The following NRXN1 variants were observed in gnomAD, a reference collection of about 807,000 sequenced individuals.
NRXN1 encodes the protein neurexin-1.
A neutral mutation model predicts 150.9 loss-of-function variants in NRXN1; 39 were observed. The ratio of observed to expected loss-of-function variants is 0.26; its 90% confidence interval spans 0.20 to 0.34. The LOEUF is 0.34. NRXN1 is among the 10% of genes least tolerant of loss of function. The pLI is 1.00. For synonymous variants in NRXN1, 924 were observed against 757.0 expected, an observed-to-expected ratio of 1.22 and a Z score of -3.62; for missense variants, 1,815 against 1,949.9, an observed-to-expected ratio of 0.93 and a Z score of 1.30.
chr2:49,988,963 A>T (rs1023437816), intron 21 of NRXN1, among the ~76,000 whole-genome samples: 47 of 152,214 alleles, frequency 3.1e-4, no homozygotes, highest in African/African-American at 1.0e-3. Context: ...CCACCTGTTC[A>T]TATGCATGTA....
chr2:50,144,390 C>T (rs916879876), intron 18 of NRXN1, among the ~76,000 whole-genome samples: 2 of 151,744 alleles, frequency 1.3e-5, no homozygotes, highest in Admixed American at 1.3e-4. Flanking sequence ...CCTGAGTTTT[C>T]CTGACTGTCT....
intron 18 of NRXN1, among the ~76,000 whole-genome samples, chr2:50,227,976 A>T (rs2064560334): frequency 6.6e-6 from 1 of 152,164 alleles, no homozygotes; most frequent in East Asian, 1.9e-4. Context: ...ATCTACTTTT[A>T]CAACTGTAGA....
At chr2:50,262,534 G>A (rs1260778730) in intron 17 of NRXN1, among the ~76,000 whole-genome samples, 1 of 151,840 alleles carries the variant, frequency 6.6e-6, no homozygotes, top group Non-Finnish European at 1.5e-5. Context: ...AACCACCCTG[G>A]CTGATTTGTT....
At chr2:50,087,656 A>C (rs1166993523) in intron 19 of NRXN1, among the ~76,000 whole-genome samples, 1 of 152,150 alleles carries the variant, frequency 6.6e-6, no homozygotes, top group African/African-American at 2.4e-5. Context: ...TTATCTCTGT[A>C]CTTTGCTCTC....
At chr2:50,149,998 G>A (rs1180935794) in intron 18 of NRXN1, among the ~76,000 whole-genome samples, 1 of 151,692 alleles carries the variant, frequency 6.6e-6, no homozygotes. Flanking sequence ...CACCCCTTGG[G>A]TTTAAATTTG....
chr2:50,846,793 C>T (rs1232145229), intron 5 of NRXN1, among the ~76,000 whole-genome samples: 5 of 152,088 alleles, frequency 3.3e-5, no homozygotes, highest in African/African-American at 9.7e-5. Flanking sequence ...TGGTTCATGG[C>T]CAAGCCCCTA....
rs141356087 is a variant in NRXN1, at chr2:50,235,518, G to C, written c.3546+1271C>G. ...CCTACACAGCTTATTGGAAATTCCA[G>C]AATTCTAAGGCAAAATTAAGATTAA... On this transcript the variant is annotated intron_variant, in intron 18 of 22. Coordinates refer to ENST00000401669, the MANE Select transcript of NRXN1 (RefSeq NM_001330078.2). Among the ~76,000 whole-genome samples the C allele has an allele frequency of 6.4e-3, 976 of 152,140 alleles. 16 individuals are homozygous for C. Among genetic ancestry groups the C allele is most frequent in the Non-Finnish European group, 0.011 (715 of 67,984 alleles).
chr2:50,508,854 A>T (rs1224083238), intron 12 of NRXN1, among the ~76,000 whole-genome samples: 1 of 152,144 alleles, frequency 6.6e-6, no homozygotes, highest in Non-Finnish European at 1.5e-5. Flanking sequence ...GAACAGATTG[A>T]TTTTAGAAGA....
intron 18 of NRXN1, among the ~76,000 whole-genome samples, chr2:50,197,739 C>T (rs10495982): frequency 0.058 from 8,764 of 152,036 alleles, 304 homozygotes; most frequent in Middle Eastern, 0.11. Context: ...TTTCTTTATT[C>T]CAGACACAAT....
At chr2:50,578,753 C>T (rs759860933) in intron 8 of NRXN1, among the ~76,000 whole-genome samples, 8 of 151,540 alleles carry the variant, frequency 5.3e-5, no homozygotes, top group Admixed American at 1.3e-4. Context: ...TATTCTAGAT[C>T]TAGATAGATA....
intron 5 of NRXN1, among the ~76,000 whole-genome samples, chr2:50,667,668 C>G (rs1486204177): frequency 1.3e-5 from 2 of 151,982 alleles, no homozygotes; most frequent in Non-Finnish European, 2.9e-5. Context: ...AAGAAACGTT[C>G]TCTATTGTTT....
At chr2:49,926,112 A>AT (rs1351804666) in intron 22 of NRXN1, among the ~76,000 whole-genome samples, 2 of 152,216 alleles carry the variant, frequency 1.3e-5, no homozygotes. Flanking sequence ...TTTTGCTGGC[A>AT]TTTTTAACCT....
At chr2:50,598,725 C>CATAT (rs981933495) in intron 8 of NRXN1, among the ~76,000 whole-genome samples, 1 of 144,392 alleles carries the variant, frequency 6.9e-6, no homozygotes, top group African/African-American at 2.5e-5. Context: ...TGTATATATA[C>CATAT]ACATATATAT....
At position 50,627,363 on chromosome 2, in the gene NRXN1, G is replaced by GTA. The variant is rs750168407; in HGVS notation, c.833-3749_833-3748insTA. Among the ~76,000 whole-genome samples the GTA allele has an allele frequency of 2.2e-4, 14 of 64,082 alleles. No homozygotes were observed. The South Asian group carries it at 7.3e-3, about 33-fold the overall frequency. The allele number at this position is 64,082 out of a possible 152,430, so 42.0% of individuals were successfully genotyped here. A position where few individuals can be genotyped will look rare whatever the true frequency, so the allele number is the denominator to read the frequency against. The stretch of plus-strand genomic sequence containing the variant: ...AGTGGGTTCTGGTTCATGTATGTGT[G>GTA]TGTGTGTGTGTGTGTGTGTGTGTGT... On this transcript the variant is annotated intron_variant, in intron 5 of 22. Coordinates refer to ENST00000401669, the MANE Select transcript of NRXN1 (RefSeq NM_001330078.2).
At chr2:50,061,111 A>T (rs925186457) in intron 19 of NRXN1, among the ~76,000 whole-genome samples, 7 of 152,190 alleles carry the variant, frequency 4.6e-5, no homozygotes, top group Non-Finnish European at 8.8e-5. Flanking sequence ...TAATGGAAGT[A>T]TATTATTTTA....
intron 15 of NRXN1, 112 bp from the exon 16 acceptor site, chr2:50,472,583 T>C: frequency 1.3e-6 from 1 of 776,002 alleles, no homozygotes; most frequent in Non-Finnish European, 2.0e-6. Context: ...TAATAAAAAA[T>C]TAATTTATGA....
chr2:50,636,538 A>G (rs1683266930), intron 5 of NRXN1, among the ~76,000 whole-genome samples: 1 of 152,144 alleles, frequency 6.6e-6, no homozygotes, highest in South Asian at 2.1e-4. Context: ...GCCAAACTCA[A>G]TTGCTCTCCT....
At chr2:50,028,360 C>G (rs1383913327) in intron 21 of NRXN1, among the ~76,000 whole-genome samples, 6 of 152,176 alleles carry the variant, frequency 3.9e-5, no homozygotes, top group Non-Finnish European at 8.8e-5. Flanking sequence ...CATTTTAAAA[C>G]AAAAGACCCA....
intron 18 of NRXN1, among the ~76,000 whole-genome samples, chr2:50,152,406 C>A (rs2058748335): frequency 6.6e-6 from 1 of 151,646 alleles, no homozygotes; most frequent in African/African-American, 2.4e-5. Context: ...AATAATGTTC[C>A]ATTGTATGTA....
Sources: allele counts gnomAD v4.1 joint callset (sites outside exome capture counted in the v4.1 genomes callset), GRCh38; gene constraint gnomAD v4.1.1; transcripts MANE v1.5; gene names NCBI Gene and HGNC (gene_info 2026-07-23, HGNC 2026-07-21).